Variants in CASKIN1 observed in about 807,000 individuals in gnomAD.
The protein encoded by CASKIN1 is CASK interacting protein 1.
In CASKIN1, 42 loss-of-function variants were observed where a neutral mutation model predicts 117.5. The observed-to-expected ratio is 0.36, with a 90% CI of 0.28 to 0.46. The LOEUF (loss-of-function observed/expected upper bound fraction) is 0.46, where lower values mean the gene tolerates loss of function less well. Among genes scored for constraint, CASKIN1 ranks in the 20% least tolerant of loss-of-function variants. The probability of loss-of-function intolerance (pLI) is 1.00; values close to 1 mark genes in which losing one functional copy is unlikely to be tolerated. For synonymous variants in CASKIN1, 1,148 were observed against 961.7 expected, an observed-to-expected ratio of 1.19 and a Z score of -3.59; for missense variants, 2,083 against 2,077.3, an observed-to-expected ratio of 1.00 and a Z score of -0.05.
intron 6 of CASKIN1, among the ~76,000 whole-genome samples, chr16:2,188,524 T>C (rs551305845): frequency 6.6e-6 from 1 of 152,080 alleles, no homozygotes; most frequent in East Asian, 1.9e-4. Context: ...CTAGTTTTTG[T>C]ATTTTTTGTA....
chr16:2,187,307 G>A (rs747494990), intron 7 of CASKIN1, 33 bp from the exon 8 acceptor site: 17 of 1,613,578 alleles, frequency 1.1e-5, no homozygotes, highest in Non-Finnish European at 1.4e-5. Context: ...TCTGTCAGGA[G>A]CCCCTACAGT....
At position 2,180,691 on chromosome 16, in the gene CASKIN1, G is replaced by A; in HGVS notation, c.2677C>T (p.Pro893Ser). The A allele has an allele frequency of 1.3e-6, 2 of 1,500,866 alleles. No homozygotes were observed. Among genetic ancestry groups the A allele is most frequent in the East Asian group, 2.5e-5 (1 of 40,070 alleles). The allele number at this position is 1,500,866 out of a possible 1,614,324, so 93.0% of individuals were successfully genotyped here. Residue 893 changes from proline (P) to serine (S), a missense_variant, in exon 18 of 20, where the codon CCG becomes TCG. Physicochemically the swap from Pro to Ser is moderately conservative, Grantham distance 74 (BLOSUM62 -1). Transcript: ENST00000343516. ...LNRYAASDSE[P>S]ERDELLVPAA... ...GGCACCAGCAGCTCGTCCCGCTCCG[G>A]CTCGCTGTCGGACGCCGCATAGCGA...
rs1361605784 is a variant in CASKIN1, at chr16:2,182,563, G to A, written c.1630-634C>T. On this transcript the variant is annotated intron_variant, in intron 16 of 19. Coordinates refer to ENST00000343516, the MANE Select transcript of CASKIN1 (RefSeq NM_020764.4). This position sits in a 1 kb window ranked among gnomAD's most constrained non-coding sequence, Gnocchi z 4.1. ...CACCCCCAGGTGCGCGGCAAGGCCC[G>A]TGGGACCCGGACCTGACCCCTAGGA... is the stretch of plus-strand genomic sequence containing the variant. 5.9e-5 allele frequency among the ~76,000 whole-genome samples: 9 copies of A among 152,172 alleles called. No homozygotes were observed. The highest frequency in any genetic ancestry group is 1.3e-4 in the Non-Finnish European group (9 of 68,028).
At chr16:2,185,856 G>A (rs993139397) in intron 10 of CASKIN1, among the ~76,000 whole-genome samples, 8 of 152,360 alleles carry the variant, frequency 5.3e-5, no homozygotes, top group African/African-American at 1.9e-4. Flanking sequence ...TCACAGCCTG[G>A]GCCCCTGGCC....
chr16:2,195,905 A>G (rs1487172445), intron 1 of CASKIN1, among the ~76,000 whole-genome samples: 1 of 151,080 alleles, frequency 6.6e-6, no homozygotes, highest in Non-Finnish European at 1.5e-5. Context: ...TCTGCTAGGG[A>G]CTGTCACCTC....
chr16:2,188,871 A>G (rs987760801), intron 6 of CASKIN1, 156 bp downstream of exon 6: 20 of 1,057,564 alleles, frequency 1.9e-5, no homozygotes, highest in East Asian at 2.5e-5. Context: ...CATCCTGTAC[A>G]TGGGCCCTGG....
chr16:2,183,071 G>A (rs1043635386), intron 16 of CASKIN1, among the ~76,000 whole-genome samples: 2 of 152,230 alleles, frequency 1.3e-5, no homozygotes, highest in African/African-American at 2.4e-5. Context: ...ACAGGCGTGA[G>A]CCACCGCGCC....
intron 16 of CASKIN1, 151 bp downstream of exon 16, chr16:2,183,495 C>CG (rs1470748604): frequency 8.3e-6 from 6 of 722,254 alleles, no homozygotes; most frequent in African/African-American, 1.8e-5. Flanking sequence ...AGGGGCTGAT[C>CG]GGGAGGCTCC....
chr16:2,178,488 GAGGTAT>G lies in CASKIN1; in HGVS notation c.*56_*61del. 1 of 1,332,284 alleles carries G rather than the reference GAGGTAT, an allele frequency of 7.5e-7. No homozygotes were observed. The highest frequency in any genetic ancestry group is 1.0e-6 in the Non-Finnish European group (1 of 995,384). The allele number at this position is 1,332,284 out of a possible 1,614,324, so 82.5% of individuals were successfully genotyped here. On this transcript the variant is annotated 3_prime_UTR_variant, in exon 20 of 20. Coordinates refer to ENST00000343516, the MANE Select transcript of CASKIN1 (RefSeq NM_020764.4). ...CGCCGCGCCCAGACGCGCCCATCCT[GAGGTAT>G]AGGTCAGTGTGCGGGGAGGGCCCGG...
chr16:2,178,159 C>T lies in CASKIN1; in HGVS notation c.*391G>A. On this transcript the variant is annotated 3_prime_UTR_variant, in exon 20 of 20. Coordinates refer to ENST00000343516, the MANE Select transcript of CASKIN1 (RefSeq NM_020764.4). ...CTGGGGGTGCGGTGGGGCAGGGGGG[C>T]CCTGACCTTGGTCCCCTGTCCCTTG... 2.0e-6 allele frequency: 1 copy of T among 487,862 alleles called. No homozygotes were observed. Among genetic ancestry groups the T allele is most frequent in the Non-Finnish European group, 3.9e-6 (1 of 255,414 alleles). 30.2% of individuals were successfully genotyped at this position (487,862 alleles called of 1,614,324 possible).
At position 2,182,486 on chromosome 16, in the gene CASKIN1, G is replaced by A. The variant is rs1056677572; in HGVS notation, c.1630-557C>T. 1.3e-5 allele frequency among the ~76,000 whole-genome samples: 2 copies of A among 151,244 alleles called. No individual in the cohort carries two copies. Among genetic ancestry groups the A allele is most frequent in the Non-Finnish European group, 2.9e-5 (2 of 67,828 alleles). ...ATCACTCCCCGAGCGGCATTCAGGC[G>A]TCCACACTTCCAGCTGGAATTCACT... On this transcript the variant is annotated intron_variant, in intron 16 of 19. Transcript: ENST00000343516. The surrounding 1 kb of genome is among the most constrained non-coding windows in gnomAD (Gnocchi z 4.1).
At position 2,178,420 on chromosome 16, in the gene CASKIN1, GGGGCCGGAGTTGTGCTTCTGCA is replaced by G; in HGVS notation, c.*108_*129del. ...CGGTGGGCGCCCCGGCCCGGGTCCA[GGGGCCGGAGTTGTGCTTCTGCA>G]GGGCCCTGCCCGGCCGCTCGCGCCG... On this transcript the variant is annotated 3_prime_UTR_variant, in exon 20 of 20. Transcript: ENST00000343516. 2 of 627,592 alleles carry G rather than the reference GGGGCCGGAGTTGTGCTTCTGCA, an allele frequency of 3.2e-6. No homozygotes were observed. Among genetic ancestry groups the G allele is most frequent in the Non-Finnish European group, 4.9e-6 (2 of 408,248 alleles). 38.9% of individuals were successfully genotyped at this position (627,592 alleles called of 1,614,324 possible). A position where few individuals can be genotyped will look rare whatever the true frequency, so the allele number is the denominator to read the frequency against.
Position 2,184,944 on chromosome 16 carries a change from C to A in CASKIN1, c.1324+7G>T, listed in dbSNP as rs376645344. 6 of 1,597,254 alleles carry A rather than the reference C, an allele frequency of 3.8e-6. No homozygotes were observed. Among genetic ancestry groups the A allele is most frequent in the African/African-American group, 1.3e-5 (1 of 74,560 alleles). On this transcript the variant is annotated splice_region_variant and intron_variant, in intron 13 of 19. Transcript: ENST00000343516. ...ATCGGGCTGCGTGGCAGCACCCTTG[C>A]TCTTACCTGCAGAGCCTTCCGGAGG...
In CASKIN1 at chr16:2,183,662, A is replaced by AGCC; in HGVS notation, c.1610_1612dup (p.Trp537_Leu538insArg). 6.2e-7 allele frequency: 1 copy of AGCC among 1,613,236 alleles called. No homozygotes were observed. Among genetic ancestry groups the AGCC allele is most frequent in the Non-Finnish European group, 8.5e-7 (1 of 1,179,952 alleles). On this transcript the variant is annotated inframe_insertion, in exon 16 of 20. Transcript: ENST00000343516. Reference sequence around the variant, plus strand: ...TGGCCTTACGGGTTTGTGCTCAGGCAGCCAGTCAGGGATGCTTAGGCCGCT... The same window carrying AGCC: ...TGGCCTTACGGGTTTGTGCTCAGGCAGCCGCCAGTCAGGGATGCTTAGGCCGCT...
At chr16:2,186,156 A>G (rs2093183813) in intron 10 of CASKIN1, among the ~76,000 whole-genome samples, 1 of 152,090 alleles carries the variant, frequency 6.6e-6, no homozygotes, top group South Asian at 2.1e-4. Flanking sequence ...TTTTGTAGAC[A>G]TGGAATCTCA....
intron 14 of CASKIN1, among the ~76,000 whole-genome samples, chr16:2,184,416 C>T (rs1295256795): frequency 6.6e-6 from 1 of 152,164 alleles, no homozygotes; most frequent in Non-Finnish European, 1.5e-5. Flanking sequence ...CTCTCCGGCA[C>T]ACGAGTGCAC....
chr16:2,194,550 C>T (rs2093210399), intron 1 of CASKIN1, among the ~76,000 whole-genome samples: 1 of 152,204 alleles, frequency 6.6e-6, no homozygotes, highest in South Asian at 2.1e-4. Flanking sequence ...CACCCCCCAC[C>T]TCGTGGCCCA....
chr16:2,177,536 G>A lies in CASKIN1; in HGVS notation c.*1014C>T, dbSNP rs1323749623. ...GGCAGGAGGAGAGAGGAAAAGGGAG[G>A]GCGAGAATGACCACACAACACAGCC... is the stretch of plus-strand genomic sequence containing the variant. On this transcript the variant is annotated 3_prime_UTR_variant, in exon 20 of 20. Coordinates refer to ENST00000343516, the MANE Select transcript of CASKIN1 (RefSeq NM_020764.4). 2.6e-5 allele frequency: 6 copies of A among 234,206 alleles called. No homozygotes were observed. The highest frequency in any genetic ancestry group is 6.0e-5 in the East Asian group (1 of 16,544). The allele number at this position is 234,206 out of a possible 1,614,324, so 14.5% of individuals were successfully genotyped here. A position where few individuals can be genotyped will look rare whatever the true frequency, so the allele number is the denominator to read the frequency against.
chr16:2,192,276 C>T (rs2093203401), intron 1 of CASKIN1, among the ~76,000 whole-genome samples: 1 of 151,338 alleles, frequency 6.6e-6, no homozygotes, highest in Non-Finnish European at 1.5e-5. Context: ...GCATTCCAAC[C>T]TGGGTGACAG....
Sources: allele counts gnomAD v4.1 joint callset (sites outside exome capture counted in the v4.1 genomes callset), GRCh38; gene constraint gnomAD v4.1.1; non-coding constraint Gnocchi (gnomAD v3.1); transcripts MANE v1.5; gene names NCBI Gene and HGNC (gene_info 2026-07-23, HGNC 2026-07-21).